The following RB1CC1 variants were observed in gnomAD, a reference collection of about 807,000 sequenced individuals.
RB1CC1 encodes the protein RB1-inducible coiled-coil protein 1.
Under a neutral mutation model 177.5 loss-of-function variants are expected in RB1CC1, and 46 were observed. The observed-to-expected ratio is 0.26, with a 90% CI of 0.20 to 0.33. RB1CC1 has a LOEUF of 0.33. Ranked by LOEUF, RB1CC1 falls within the 10% of genes least tolerant of loss-of-function variation. The pLI is 1.00. For synonymous variants in RB1CC1, 666 were observed against 613.6 expected (o/e 1.09, Z -1.26); for missense variants, 1,703 against 1,816.3 (o/e 0.94, Z 1.13).
chr8:52,686,726 C>G (rs948466978), intron 2 of RB1CC1, 127 bp downstream of exon 2: 1 of 275,412 alleles, frequency 3.6e-6, no homozygotes, highest in Non-Finnish European at 7.2e-6. Flanking sequence ...ATGCTCTTTC[C>G]ACATAAGCCT....
rs545740455 is a variant in RB1CC1, at chr8:52,698,380, T to C, written c.-166-11413A>G. 5.5e-4 allele frequency among the ~76,000 whole-genome samples: 83 copies of C among 152,076 alleles called. No individual in the cohort carries two copies. In the East Asian group the frequency reaches 8.0e-3, roughly 15 times the overall value. Reference sequence around the variant, plus strand: ...CTCTGTCGCCCAGGCTGGAGTACAGTGGCGCCATCTTGGCTCACCGGAAGC... The same window carrying C: ...CTCTGTCGCCCAGGCTGGAGTACAGCGGCGCCATCTTGGCTCACCGGAAGC... On this transcript the variant is annotated intron_variant, in intron 1 of 23. Coordinates refer to ENST00000025008, the MANE Select transcript of RB1CC1 (RefSeq NM_014781.5).
At chr8:52,651,642 C>T (rs952035481) in intron 15 of RB1CC1, among the ~76,000 whole-genome samples, 1 of 152,180 alleles carries the variant, frequency 6.6e-6, no homozygotes, top group Non-Finnish European at 1.5e-5. Context: ...GGTACCTGAA[C>T]ACAAATTAAA....
chr8:52,674,138 A>G lies in RB1CC1; in HGVS notation c.709T>C (p.Ser237Pro). The change falls in exon 7 of 24, where the codon TCC (serine) becomes CCC (proline). Residue 237 changes from serine (S) to proline (P), a missense_variant. Physicochemically the swap from Ser to Pro is moderately conservative, Grantham distance 74. Transcript: ENST00000025008. The part of the protein sequence containing the change: ...EDSEKAEMKR[S>P]TELVLSPDMP... ...TCAGGAGAGAGCACCAGTTCAGTGG[A>G]TCTTTTCATCTCAGCTTTTTCTGAG... The G allele has an allele frequency of 6.2e-7, 1 of 1,614,100 alleles. No individual in the cohort carries two copies. The highest frequency in any genetic ancestry group is 8.5e-7 in the Non-Finnish European group (1 of 1,179,954).
At chr8:52,641,531 A>G (rs1849584150) in intron 18 of RB1CC1, among the ~76,000 whole-genome samples, 1 of 152,126 alleles carries the variant, frequency 6.6e-6, no homozygotes, top group South Asian at 2.1e-4. Flanking sequence ...TCAAGTTCCC[A>G]AGCAGGTGCT....
At position 52,657,351 on chromosome 8, in the gene RB1CC1, T is replaced by C. The variant is rs748623728; in HGVS notation, c.2478A>G (p.Val826=). 2.5e-6 allele frequency: 4 copies of C among 1,613,874 alleles called. No individual in the cohort carries two copies. The African/African-American group carries it at 4.0e-5, about 16-fold the overall frequency. Residue 826 remains valine (V), a synonymous_variant, in exon 15 of 24, where the codon GTA becomes GTG. Coordinates refer to ENST00000025008, the MANE Select transcript of RB1CC1 (RefSeq NM_014781.5). ...TTGAGAAGTCACACTGTTCTTTTTG[T>C]ACAAATGTTCTAAAGTGGCAAAGGT... ...KEDLCHFRTF[V]QKEQCDFSNS... is the part of the protein sequence containing the mutation.
intron 5 of RB1CC1, among the ~76,000 whole-genome samples, chr8:52,681,312 G>A (rs1853698049): frequency 1.3e-5 from 2 of 152,128 alleles, no homozygotes; most frequent in Non-Finnish European, 2.9e-5. Flanking sequence ...TTATCAATGT[G>A]TTCATTGTGA....
chr8:52,681,150 C>G (rs1026991651), intron 5 of RB1CC1, among the ~76,000 whole-genome samples: 9 of 151,566 alleles, frequency 5.9e-5, no homozygotes, highest in Admixed American at 2.0e-4. Flanking sequence ...TGCCAGCATG[C>G]CCGGCTAATT....
intron 5 of RB1CC1, among the ~76,000 whole-genome samples, chr8:52,677,709 T>A (rs1473185722): frequency 6.6e-6 from 1 of 152,200 alleles, no homozygotes; most frequent in Non-Finnish European, 1.5e-5. Context: ...ATGGTCTTTA[T>A]GGGGTAGGAA....
At chr8:52,669,845 G>A (rs1852398014) in intron 7 of RB1CC1, among the ~76,000 whole-genome samples, 1 of 152,068 alleles carries the variant, frequency 6.6e-6, no homozygotes, top group South Asian at 2.1e-4. Context: ...CCAAAAACAA[G>A]GGCTCCTGAA....
intron 1 of RB1CC1, among the ~76,000 whole-genome samples, chr8:52,708,719 C>T (rs1247298546): frequency 6.6e-6 from 1 of 152,096 alleles, no homozygotes; most frequent in East Asian, 1.9e-4. Flanking sequence ...GACATCTGGT[C>T]CTCCTAAATC....
At position 52,668,150 on chromosome 8, in the gene RB1CC1, A is replaced by T. The variant is rs1852239998; in HGVS notation, c.1044T>A (p.Arg348=). 1.2e-6 allele frequency: 2 copies of T among 1,613,954 alleles called. No individual in the cohort carries two copies. The highest frequency in any genetic ancestry group is 1.7e-6 in the Non-Finnish European group (2 of 1,179,996). Residue 348 remains arginine, a synonymous_variant, in exon 8 of 24, where the codon CGT becomes CGA. Transcript: ENST00000025008. ...GATTATCAAGTTTGGCAATAGTTTG[A>T]CGGCATTCTGCTATAAATGGTCGAA... ...RIIRPFIAEC[R]QTIAKLDNQN... is the part of the protein sequence containing the mutation.
intron 8 of RB1CC1, among the ~76,000 whole-genome samples, chr8:52,666,487 T>C (rs527947332): frequency 6.7e-6 from 1 of 150,178 alleles, no homozygotes; most frequent in South Asian, 2.1e-4. Context: ...CACTGCACTC[T>C]AGTCTGGGCT....
Position 52,657,683 on chromosome 8 carries a change from G to A in RB1CC1, c.2146C>T (p.Gln716Ter). 1 of 1,614,128 alleles carries A rather than the reference G, an allele frequency of 6.2e-7. No individual in the cohort carries two copies. Among genetic ancestry groups the A allele is most frequent in the Non-Finnish European group, 8.5e-7 (1 of 1,180,004 alleles). Residue 716 changes from glutamine (Q) to a stop codon, truncating the protein, a stop_gained, in exon 15 of 24, where the codon CAA (glutamine) becomes TAA (stop). Coordinates refer to ENST00000025008, the MANE Select transcript of RB1CC1 (RefSeq NM_014781.5). LOFTEE classifies it high-confidence loss of function. ...PHPNIEQTIH[Q>*]VSLDLDSLAE... ...AATGAATCCAAGTCTAAAGAAACTT[G>A]GTGAATAGTCTGTTCTATGTTTGGA...
At chr8:52,709,905 G>A (rs1251631668) in intron 1 of RB1CC1, among the ~76,000 whole-genome samples, 1 of 152,182 alleles carries the variant, frequency 6.6e-6, no homozygotes, top group Admixed American at 6.5e-5. Context: ...TAGGTGCCTG[G>A]AATACAAATA....
chr8:52,674,384 C>A (rs1852891250), intron 6 of RB1CC1, 110 bp from the exon 7 acceptor site: 1 of 942,330 alleles, frequency 1.1e-6, no homozygotes, highest in Non-Finnish European at 1.6e-6. Flanking sequence ...ACCACCTCTC[C>A]ATAACATTAT....
At chr8:52,642,619 A>G (rs1849679523) in intron 17 of RB1CC1, 28 bp from the exon 18 acceptor site, 1 of 1,603,652 alleles carries the variant, frequency 6.2e-7, no homozygotes, top group Non-Finnish European at 8.5e-7. Context: ...TTAAAAAAGT[A>G]TCATGTAATT....
At chr8:52,636,158 C>T in intron 18 of RB1CC1, 89 bp from the exon 19 acceptor site, 4 of 1,370,506 alleles carry the variant, frequency 2.9e-6, no homozygotes, top group South Asian at 2.9e-5. Context: ...ATACAGATCA[C>T]TTTAACAATT....
At chr8:52,663,583 G>A (rs1219802458) in intron 8 of RB1CC1, among the ~76,000 whole-genome samples, 1 of 152,088 alleles carries the variant, frequency 6.6e-6, no homozygotes, top group Non-Finnish European at 1.5e-5. Context: ...TTGTAAATGT[G>A]TTTAGCAAGA....
At chr8:52,638,143 T>C (rs993676522) in intron 18 of RB1CC1, among the ~76,000 whole-genome samples, 29 of 152,176 alleles carry the variant, frequency 1.9e-4, no homozygotes, top group Non-Finnish European at 4.1e-4. Context: ...TGCCTTTCAA[T>C]AGGTTGAGGA....
Sources: allele counts gnomAD v4.1 joint callset (sites outside exome capture counted in the v4.1 genomes callset), GRCh38; gene constraint gnomAD v4.1.1; transcripts MANE v1.5; gene names NCBI Gene and HGNC (gene_info 2026-07-23, HGNC 2026-07-21).